ERC2: variants seen among roughly 807,000 people sequenced by gnomAD.
ERC2 encodes ERC protein 2.
A neutral mutation model predicts 114.8 loss-of-function variants in ERC2; 42 were observed. That is an observed-to-expected ratio of 0.37 (90% CI 0.29 to 0.47). The LOEUF (loss-of-function observed/expected upper bound fraction) is 0.47. Ranked by LOEUF, ERC2 falls within the 20% of genes least tolerant of loss-of-function variation. The pLI is 0.99. For synonymous variants in ERC2, 454 were observed against 425.5 expected (o/e 1.07, Z -0.82); for missense variants, 939 against 1,150.7 (o/e 0.82, Z 2.66).
chr3:56,351,694 G>C (rs1237016258), intron 2 of ERC2, among the ~76,000 whole-genome samples: 1 of 152,174 alleles, frequency 6.6e-6, no homozygotes, highest in Non-Finnish European at 1.5e-5. Flanking sequence ...AGGTGGCAGA[G>C]TGCCTAGAGA....
chr3:56,401,959 G>A (rs2060536849), intron 2 of ERC2, among the ~76,000 whole-genome samples: 1 of 152,204 alleles, frequency 6.6e-6, no homozygotes, highest in Non-Finnish European at 1.5e-5. Flanking sequence ...GAAGGCAAAG[G>A]GGAAGCAAGA....
intron 17 of ERC2, among the ~76,000 whole-genome samples, chr3:55,575,482 T>G (rs1017758949): frequency 6.6e-6 from 1 of 152,240 alleles, no homozygotes; most frequent in African/African-American, 2.4e-5. Context: ...TTGAAAATCA[T>G]GTAACCTCTT....
intron 17 of ERC2, among the ~76,000 whole-genome samples, chr3:55,584,164 G>C (rs2057471958): frequency 1.3e-5 from 2 of 152,162 alleles, no homozygotes. Flanking sequence ...GACCCCCACA[G>C]GGAAGCCTAT....
chr3:55,570,985 G>A (rs1309721144), intron 17 of ERC2, among the ~76,000 whole-genome samples: 1 of 151,996 alleles, frequency 6.6e-6, no homozygotes, highest in East Asian at 1.9e-4. Context: ...AATTAGCTGG[G>A]CATGGTTTGG....
intron 10 of ERC2, among the ~76,000 whole-genome samples, chr3:55,998,199 T>C (rs2071749438): frequency 6.6e-6 from 1 of 151,964 alleles, no homozygotes; most frequent in African/African-American, 2.4e-5. Flanking sequence ...ATAGGATATG[T>C]ATAAATAAAT....
intron 14 of ERC2, among the ~76,000 whole-genome samples, chr3:55,856,575 C>T (rs776951367): frequency 6.6e-5 from 10 of 152,024 alleles, no homozygotes; most frequent in Middle Eastern, 6.3e-3. Context: ...TATGTCTCTG[C>T]GTGTATATAT....
At chr3:56,340,554 G>GTGTT (rs1163200633) in intron 2 of ERC2, among the ~76,000 whole-genome samples, 14 of 151,092 alleles carry the variant, frequency 9.3e-5, no homozygotes, top group African/African-American at 2.9e-4. Flanking sequence ...GTGTGTGTGT[G>GTGTT]TGTGTGTGTG....
chr3:56,157,249 T>C (rs2081779744), intron 4 of ERC2, among the ~76,000 whole-genome samples: 1 of 152,148 alleles, frequency 6.6e-6, no homozygotes. Context: ...TGGTTCTTTC[T>C]TCCACAGTAA....
intron 3 of ERC2, among the ~76,000 whole-genome samples, chr3:56,245,850 A>G (rs2051659095): frequency 6.6e-6 from 1 of 151,992 alleles, no homozygotes; most frequent in African/African-American, 2.4e-5. Context: ...CCTTAGTTGT[A>G]TTTTAAAAGC....
At chr3:56,329,153 A>C (rs2057495488) in intron 2 of ERC2, among the ~76,000 whole-genome samples, 1 of 152,264 alleles carries the variant, frequency 6.6e-6, no homozygotes, top group South Asian at 2.1e-4. Context: ...TTTGCAAATT[A>C]CAACATGGGA....
At chr3:55,597,000 G>A (rs1345702998) in intron 17 of ERC2, among the ~76,000 whole-genome samples, 1 of 152,162 alleles carries the variant, frequency 6.6e-6, no homozygotes, top group Non-Finnish European at 1.5e-5. Context: ...CACCCAAAGA[G>A]AGAATTCTCT....
intron 14 of ERC2, among the ~76,000 whole-genome samples, chr3:55,739,569 T>C (rs1365454922): frequency 6.7e-6 from 1 of 149,388 alleles, no homozygotes; most frequent in Non-Finnish European, 1.5e-5. Flanking sequence ...TTTTGAGAAG[T>C]GTCTGTTCAT....
chr3:56,093,922 G>A (rs771544089), intron 6 of ERC2, among the ~76,000 whole-genome samples: 6 of 152,154 alleles, frequency 3.9e-5, no homozygotes, highest in Admixed American at 6.6e-5. Flanking sequence ...AAGTAGGGGT[G>A]TGGAAGCAGG....
intron 3 of ERC2, among the ~76,000 whole-genome samples, chr3:56,187,000 A>G (rs1285785088): frequency 6.6e-6 from 1 of 152,198 alleles, no homozygotes; most frequent in Non-Finnish European, 1.5e-5. Flanking sequence ...TCTTCAGGAA[A>G]GCTTTAAGGG....
chr3:56,161,161 T>C (rs560000303), intron 4 of ERC2, among the ~76,000 whole-genome samples: 1 of 152,298 alleles, frequency 6.6e-6, no homozygotes, highest in Non-Finnish European at 1.5e-5. Context: ...CAGTTCTTGC[T>C]CCAGCTTTTC....
intron 17 of ERC2, among the ~76,000 whole-genome samples, chr3:55,566,972 A>G (rs940507238): frequency 1.3e-5 from 2 of 152,214 alleles, no homozygotes; most frequent in African/African-American, 4.8e-5. Context: ...AAGTGTTGGG[A>G]TTACAGGCAT....
intron 17 of ERC2, among the ~76,000 whole-genome samples, chr3:55,676,441 CTTA>C (rs71619901): frequency 0.37 from 52,995 of 141,900 alleles, 10,739 homozygotes; most frequent in Middle Eastern, 0.46. Context: ...TACTGAGCTG[CTTA>C]TTATTATTAT....
intron 17 of ERC2, among the ~76,000 whole-genome samples, chr3:55,519,322 C>T (rs2052741197): frequency 6.6e-6 from 1 of 152,210 alleles, no homozygotes; most frequent in Non-Finnish European, 1.5e-5. Context: ...TGAAGCTCAG[C>T]TCCATGAGAA....
At chr3:55,690,354 T>A (rs1242207716) in intron 16 of ERC2, among the ~76,000 whole-genome samples, 2 of 152,170 alleles carry the variant, frequency 1.3e-5, no homozygotes, top group African/African-American at 4.8e-5. Flanking sequence ...CAATGGTGTT[T>A]AGCAATATAA....
Sources: allele counts gnomAD v4.1 joint callset (sites outside exome capture counted in the v4.1 genomes callset), GRCh38; gene constraint gnomAD v4.1.1; transcripts MANE v1.5; gene names NCBI Gene and HGNC (gene_info 2026-07-23, HGNC 2026-07-21).